KDELR3: variants seen among roughly 807,000 people sequenced by gnomAD.
KDELR3 encodes the protein KDEL endoplasmic reticulum protein retention receptor 3.
A neutral mutation model predicts 22.7 loss-of-function variants in KDELR3; 26 were observed. That is an observed-to-expected ratio of 1.15 (90% confidence interval 0.84 to 1.59). The LOEUF (loss-of-function observed/expected upper bound fraction) is 1.59, where lower values mean the gene tolerates loss of function less well. Ranked by LOEUF, KDELR3 falls within the 40% of genes most tolerant of loss-of-function variation. The pLI is 0.00. For synonymous variants in KDELR3, 120 were observed against 98.2 expected, an observed-to-expected ratio of 1.22 and a Z score of -1.31; for missense variants, 289 against 251.1, an observed-to-expected ratio of 1.15 and a Z score of -1.02.
chr22:38,475,079 CAAAAAAAAAAAA>C (rs1018109138), intron 2 of KDELR3, among the ~76,000 whole-genome samples: 6 of 20,460 alleles, frequency 2.9e-4, no homozygotes, highest in Non-Finnish European at 6.6e-4. Context: ...GACTCTGTCT[CAAAAAAAAAAAA>C]AAAAAAAAAA....
intron 4 of KDELR3, among the ~76,000 whole-genome samples, chr22:38,482,232 G>A (rs1490874047): frequency 1.3e-5 from 2 of 152,172 alleles, no homozygotes; most frequent in African/African-American, 4.8e-5. Flanking sequence ...GACTTGAGAA[G>A]GACTGCTGAT....
At position 38,481,329 on chromosome 22, in the gene KDELR3, C is replaced by A. The variant is rs1166044648; in HGVS notation, c.469C>A (p.Leu157Met). The A allele has an allele frequency of 2.5e-6, 4 of 1,614,172 alleles. No homozygotes were observed. The East Asian group carries it at 8.9e-5, about 36-fold the overall frequency. ...TACTCACTACCTGTTCTTTCTGGGT[C>A]TGTACCGGGCACTCTACCTGGCTAA... is the stretch of plus-strand genomic sequence containing the variant. ...ITTHYLFFLG[L>M]YRALYLANWI... The change falls in exon 4 of 5, where the codon CTG becomes ATG. Residue 157 changes from leucine to methionine, a missense_variant. Coordinates refer to ENST00000216014, the MANE Select transcript of KDELR3 (RefSeq NM_006855.4).
intron 1 of KDELR3, among the ~76,000 whole-genome samples, chr22:38,472,333 C>T (rs370202516): frequency 5.3e-5 from 8 of 151,782 alleles, no homozygotes; most frequent in Non-Finnish European, 1.0e-4. Context: ...AAAAATTAGC[C>T]GGGCATGATG....
intron 1 of KDELR3, 63 bp from the exon 2 acceptor site, chr22:38,474,460 C>A: frequency 7.4e-7 from 1 of 1,354,234 alleles, no homozygotes. Context: ...CTGTGCACCT[C>A]TTGAGGGTGG....
intron 1 of KDELR3, among the ~76,000 whole-genome samples, chr22:38,470,428 A>G (rs1345460207): frequency 6.6e-6 from 1 of 152,218 alleles, no homozygotes; most frequent in Non-Finnish European, 1.5e-5. Flanking sequence ...GAAGCCATCA[A>G]TAAACAATAG....
chr22:38,475,079 C>CAAAAAAA (rs1018109138), intron 2 of KDELR3, among the ~76,000 whole-genome samples: 1 of 20,460 alleles, frequency 4.9e-5, no homozygotes, highest in African/African-American at 1.3e-4. Context: ...GACTCTGTCT[C>CAAAAAAA]AAAAAAAAAA....
intron 1 of KDELR3, among the ~76,000 whole-genome samples, chr22:38,473,153 G>A (rs906741263): frequency 3.3e-5 from 5 of 152,162 alleles, no homozygotes; most frequent in African/African-American, 4.8e-5. Flanking sequence ...GACTGGGCGC[G>A]GTGGCTCACG....
rs1820789443 is a variant in KDELR3, at chr22:38,479,601, T to C, written c.201T>C (p.Phe67=). 6.2e-7 allele frequency: 1 copy of C among 1,612,838 alleles called. No homozygotes were observed. The highest frequency in any genetic ancestry group is 8.5e-7 in the Non-Finnish European group (1 of 1,178,842). The change falls in exon 3 of 5, where the codon TTT becomes TTC. Residue 67 remains phenylalanine, a synonymous_variant. Coordinates refer to ENST00000216014, the MANE Select transcript of KDELR3 (RefSeq NM_006855.4). ...TCTCTCTCCCCTTTTAGGTGGTTTT[T>C]CTCCTCTGTGCCTATGTTACAGTGT... ...SIYNTVMKVV[F]LLCAYVTVYM... is the part of the protein sequence containing the mutation.
intron 1 of KDELR3, among the ~76,000 whole-genome samples, chr22:38,468,768 C>T (rs548569043): frequency 6.6e-6 from 1 of 152,314 alleles, no homozygotes; most frequent in South Asian, 2.1e-4. Flanking sequence ...GCCCTCGTCC[C>T]TCCCCTGCCT....
chr22:38,482,589 G>A lies in KDELR3; in HGVS notation c.*53G>A. On this transcript the variant is annotated 3_prime_UTR_variant, in exon 5 of 5. Transcript: ENST00000216014. ...ACAAGCACATGAAGGAAACTATTTT[G>A]AATGTTCTCTTTGGCAACTTATCCA... 6.8e-7 allele frequency: 1 copy of A among 1,464,840 alleles called. No individual in the cohort carries two copies. The highest frequency in any genetic ancestry group is 2.3e-5 in the East Asian group (1 of 44,136). 90.7% of individuals were successfully genotyped at this position (1,464,840 alleles called of 1,614,324 possible).
rs550048283 is a variant in KDELR3, at chr22:38,475,524, C to T, written c.192+901C>T. ...GTGATAGAGAAGGATTAGAGAGCTA[C>T]TTCAGGGAGTGTGGTCAGGGCATCT... On this transcript the variant is annotated intron_variant, in intron 2 of 4. Coordinates refer to ENST00000216014, the MANE Select transcript of KDELR3 (RefSeq NM_006855.4). Among the ~76,000 whole-genome samples, 3 of 152,276 alleles carry T rather than the reference C, an allele frequency of 2.0e-5. No individual in the cohort carries two copies. The South Asian group carries it at 6.2e-4, about 32-fold the overall frequency.
intron 3 of KDELR3, 69 bp downstream of exon 3, chr22:38,479,820 T>G: frequency 1.4e-6 from 2 of 1,466,426 alleles, no homozygotes; most frequent in Admixed American, 1.8e-5. Flanking sequence ...CTCCAGACCC[T>G]GGGCTTGCCT....
chr22:38,479,661 CAGTG>C lies in KDELR3; in HGVS notation c.264_267del (p.Ser88ArgfsTer49). On this transcript the variant is annotated frameshift_variant, in exon 3 of 5. Coordinates refer to ENST00000216014, the MANE Select transcript of KDELR3 (RefSeq NM_006855.4). LOFTEE classifies it high-confidence loss of function. ...ATGGGAAATTCCGTAAAACTTTTGA[CAGTG>C]AGAATGACACATTCCGCCTGGAGTT... 3.1e-6 allele frequency: 5 copies of C among 1,613,984 alleles called. No individual in the cohort carries two copies. The highest frequency in any genetic ancestry group is 1.7e-5 in the Admixed American group (1 of 60,024).
intron 1 of KDELR3, among the ~76,000 whole-genome samples, chr22:38,469,401 G>T (rs2089509812): frequency 6.6e-6 from 1 of 152,212 alleles, no homozygotes; most frequent in Non-Finnish European, 1.5e-5. Flanking sequence ...CTGGAAGGGG[G>T]CCTGAACAGG....
intron 1 of KDELR3, among the ~76,000 whole-genome samples, chr22:38,471,337 T>C (rs2089523850): frequency 6.6e-6 from 1 of 152,168 alleles, no homozygotes; most frequent in Non-Finnish European, 1.5e-5. Flanking sequence ...GGCTGAGGGC[T>C]TCTCTGTCAA....
rs766103461 is a variant in KDELR3 at position 38,481,336 on chromosome 22, G to A, written c.476G>A (p.Arg159Gln). Residue 159 changes from arginine to glutamine, a missense_variant, in exon 4 of 5, where the codon CGG (arginine) becomes CAG (glutamine). Coordinates refer to ENST00000216014, the MANE Select transcript of KDELR3 (RefSeq NM_006855.4). ...THYLFFLGLY[R>Q]ALYLANWIRR... ...TACCTGTTCTTTCTGGGTCTGTACC[G>A]GGCACTCTACCTGGCTAACTGGATC... The A allele has an allele frequency of 3.2e-5, 52 of 1,613,978 alleles. No individual in the cohort carries two copies. Among genetic ancestry groups the A allele is most frequent in the Admixed American group, 5.0e-5 (3 of 59,984 alleles).
At chr22:38,471,327 G>C (rs2089523833) in intron 1 of KDELR3, among the ~76,000 whole-genome samples, 1 of 152,168 alleles carries the variant, frequency 6.6e-6, no homozygotes, top group Non-Finnish European at 1.5e-5. Flanking sequence ...TCCTTCGTGG[G>C]GCTGAGGGCT....
At chr22:38,477,098 T>C (rs2089565209) in intron 2 of KDELR3, among the ~76,000 whole-genome samples, 1 of 146,796 alleles carries the variant, frequency 6.8e-6, no homozygotes, top group Admixed American at 6.9e-5. Flanking sequence ...TTTTTGTATT[T>C]TTAATAAAGA....
At chr22:38,468,389 AGG>A in intron 1 of KDELR3, 65 bp downstream of exon 1, 1 of 1,444,828 alleles carries the variant, frequency 6.9e-7, no homozygotes, top group Non-Finnish European at 9.7e-7. Context: ...CCCTGCGTGC[AGG>A]GCAGGGCGCT....
Sources: gnomAD v4.1 joint callset for allele counts (sites outside exome capture counted in the v4.1 genomes callset) on GRCh38, gnomAD v4.1.1 for gene constraint, MANE v1.5 for transcripts, NCBI Gene and HGNC (gene_info 2026-07-23, HGNC 2026-07-21) for gene names.